ABCC1: variants seen among roughly 807,000 people sequenced by gnomAD.
ABCC1 encodes the protein ATP binding cassette subfamily C member 1 (ABCC1 blood group), also known as multidrug resistance-associated protein 1.
Under a neutral mutation model 172.9 loss-of-function variants are expected in ABCC1, and 83 were observed. The ratio of observed to expected loss-of-function variants is 0.48; its 90% CI spans 0.40 to 0.58. The LOEUF (loss-of-function observed/expected upper bound fraction) is 0.58. Among genes scored for constraint, ABCC1 ranks in the 20% least tolerant of loss-of-function variants. The pLI, the probability that ABCC1 is intolerant of heterozygous loss-of-function variation, is 0.00. For synonymous variants in ABCC1, 937 were observed against 825.2 expected, an observed-to-expected ratio of 1.14 and a Z score of -2.32; for missense variants, 1,817 against 2,002.7, an observed-to-expected ratio of 0.91 and a Z score of 1.77.
At chr16:16,127,249 TCTCA>T (rs781040682) in intron 26 of ABCC1, among the ~76,000 whole-genome samples, 95 of 152,190 alleles carry the variant, frequency 6.2e-4, no homozygotes, top group Non-Finnish European at 1.2e-3. Flanking sequence ...TGAGACACGG[TCTCA>T]CTCTTGCCCG....
chr16:16,105,847 A>G (rs1404367814), intron 20 of ABCC1, among the ~76,000 whole-genome samples: 1 of 150,212 alleles, frequency 6.7e-6, no homozygotes, highest in Non-Finnish European at 1.5e-5. Context: ...GGGTCTGCAT[A>G]AAGCTCATGA....
intron 12 of ABCC1, among the ~76,000 whole-genome samples, chr16:16,063,948 T>C (rs1401901687): frequency 6.6e-6 from 1 of 152,200 alleles, no homozygotes. Flanking sequence ...CTAGGTCATG[T>C]CTTTCAGGGC....
intron 14 of ABCC1, among the ~76,000 whole-genome samples, chr16:16,072,825 T>G (rs1040051020): frequency 6.6e-6 from 1 of 151,502 alleles, no homozygotes; most frequent in Non-Finnish European, 1.5e-5. Context: ...GTGGATCACT[T>G]GAGGTCAGGA....
chr16:16,053,749 T>C (rs973488793), intron 11 of ABCC1, among the ~76,000 whole-genome samples: 14 of 109,822 alleles, frequency 1.3e-4, no homozygotes, highest in Non-Finnish European at 3.4e-5. Flanking sequence ...ATTGTGCCAC[T>C]GCACAACAGA....
chr16:15,963,818 C>T lies in ABCC1; in HGVS notation c.48+14019C>T, dbSNP rs139049566. 2.8e-4 allele frequency among the ~76,000 whole-genome samples: 42 copies of T among 152,266 alleles called. 1 individual carries two copies. Among genetic ancestry groups the T allele is most frequent in the African/African-American group, 8.2e-4 (34 of 41,544 alleles). The stretch of plus-strand genomic sequence containing the variant: ...GCTGCTGTGAAGGTTTGTGATATGC[C>T]CTGGAGACATTTTCCCCATTGTCTT... On this transcript the variant is annotated intron_variant, in intron 1 of 30. Coordinates refer to ENST00000399410, the MANE Select transcript of ABCC1 (RefSeq NM_004996.4).
chr16:16,044,453 G>A lies in ABCC1; in HGVS notation c.813G>A (p.Gln271=), dbSNP rs748621744. 6.2e-6 allele frequency: 10 copies of A among 1,613,868 alleles called. No homozygotes were observed. The highest frequency in any genetic ancestry group is 5.9e-6 in the Non-Finnish European group (7 of 1,179,870). The change falls in exon 8 of 31, where the codon CAG becomes CAA. Residue 271 remains glutamine, a synonymous_variant. Coordinates refer to ENST00000399410, the MANE Select transcript of ABCC1 (RefSeq NM_004996.4). ...GCTTCACCTCCTTGTGTTCCAGGCAGCCGGTGAAGGTTGTGTACTCCTCCA... is the reference window on the plus strand; with the variant it reads ...GCTTCACCTCCTTGTGTTCCAGGCAACCGGTGAAGGTTGTGTACTCCTCCA... The part of the protein sequence containing the change: ...WKKECAKTRK[Q]PVKVVYSSKD...
At chr16:16,105,071 T>TC in intron 20 of ABCC1, among the ~76,000 whole-genome samples, 1 of 152,206 alleles carries the variant, frequency 6.6e-6, no homozygotes, top group South Asian at 2.1e-4. Flanking sequence ...AGAAAGGGGC[T>TC]CCCACAGTGC....
At chr16:16,140,769 G>C (rs2046098770) in intron 30 of ABCC1, among the ~76,000 whole-genome samples, 1 of 152,228 alleles carries the variant, frequency 6.6e-6, no homozygotes, top group Middle Eastern at 3.2e-3. Flanking sequence ...ATACAGCAGA[G>C]ATGCGTAGTT....
intron 11 of ABCC1, among the ~76,000 whole-genome samples, chr16:16,053,774 CAAAAAAAAAAAAAAAAAAAAAAAAA>C (rs10526186): frequency 1.4e-4 from 5 of 36,218 alleles, no homozygotes; most frequent in South Asian, 1.1e-3. Context: ...GACCCTGTCT[CAAAAAAAAAAAAAAAAAAAAAAAAA>C]AAAAAAAAAA....
At position 16,075,291 on chromosome 16, in the gene ABCC1, G is replaced by A. The variant is rs560480592; in HGVS notation, c.1913-1035G>A. 5.3e-5 allele frequency among the ~76,000 whole-genome samples: 8 copies of A among 152,062 alleles called. No homozygotes were observed. In the East Asian group the frequency reaches 1.5e-3, roughly 29 times the overall value. ...ACATGAAGTAAAAGGAAAATAACAG[G>A]AAGAAGAGTAAAAGAAGACAGAGGT... On this transcript the variant is annotated intron_variant, in intron 14 of 30. Transcript: ENST00000399410.
chr16:16,016,594 C>T lies in ABCC1; in HGVS notation c.588C>T (p.Pro196=), dbSNP rs946734470. The T allele has an allele frequency of 7.4e-6, 12 of 1,614,066 alleles. No homozygotes were observed. The highest frequency in any genetic ancestry group is 5.3e-5 in the African/African-American group (4 of 74,924). ...LVLSCFSDRS[P]LFSETIHDPN... ...TGTCCTGTTTCTCAGATCGCTCACCCCTGTTCTCGGAAACCATCCACGACC... is the reference window on the plus strand; with the variant it reads ...TGTCCTGTTTCTCAGATCGCTCACCTCTGTTCTCGGAAACCATCCACGACC... The change falls in exon 5 of 31, where the codon CCC becomes CCT. Residue 196 remains proline, a synonymous_variant. Transcript: ENST00000399410.
intron 26 of ABCC1, 55 bp downstream of exon 26, chr16:16,125,966 G>T: frequency 7.4e-7 from 1 of 1,346,048 alleles, no homozygotes; most frequent in Non-Finnish European, 1.1e-6. Flanking sequence ...TTTACCCCAA[G>T]GAGATCTCTG....
chr16:16,136,757 AC>A, intron 29 of ABCC1, 113 bp downstream of exon 29: 1 of 1,267,066 alleles, frequency 7.9e-7, no homozygotes, highest in Non-Finnish European at 1.1e-6. Context: ...GTCCCAGATG[AC>A]CATTTGTCCC....
chr16:15,967,254 G>A (rs1220381253), intron 1 of ABCC1, among the ~76,000 whole-genome samples: 1 of 152,074 alleles, frequency 6.6e-6, no homozygotes, highest in African/African-American at 2.4e-5. Context: ...TGGGTGAAGA[G>A]GCCAAGTTCA....
At chr16:16,063,694 T>C (rs1238555048) in intron 12 of ABCC1, among the ~76,000 whole-genome samples, 2 of 152,140 alleles carry the variant, frequency 1.3e-5, no homozygotes, top group African/African-American at 2.4e-5. Flanking sequence ...CCCAAGATAA[T>C]GTTGGGAATA....
intron 13 of ABCC1, among the ~76,000 whole-genome samples, chr16:16,068,597 G>A (rs907682072): frequency 6.6e-6 from 1 of 152,232 alleles, no homozygotes; most frequent in Non-Finnish European, 1.5e-5. Context: ...CTGTTCCTCC[G>A]CCATTCCTAT....
chr16:16,007,217 T>G (rs2047576464), intron 1 of ABCC1, among the ~76,000 whole-genome samples: 1 of 146,296 alleles, frequency 6.8e-6, no homozygotes, highest in South Asian at 2.2e-4. Context: ...TGCACTGTTG[T>G]GTGTGTGTGT....
In ABCC1 at chr16:16,012,697, T is replaced by G. The variant is rs545029128; in HGVS notation, c.352-1794T>G. 2.5e-3 allele frequency among the ~76,000 whole-genome samples: 344 copies of G among 138,188 alleles called. 3 individuals are homozygous for G. Among genetic ancestry groups the G allele is most frequent in the African/African-American group, 9.4e-3 (306 of 32,604 alleles). The allele number at this position is 138,188 out of a possible 152,430, so 90.7% of individuals were successfully genotyped here. A position where few individuals can be genotyped will look rare whatever the true frequency, so the allele number is the denominator to read the frequency against. On this transcript the variant is annotated intron_variant, in intron 3 of 30. Coordinates refer to ENST00000399410, the MANE Select transcript of ABCC1 (RefSeq NM_004996.4). ...ATTCCTTGTTCCTGGTCTTTTTTTTTTTTCCTTTGAGGCAGAGTTTCGCTC... is the reference window on the plus strand; with the variant it reads ...ATTCCTTGTTCCTGGTCTTTTTTTTGTTTCCTTTGAGGCAGAGTTTCGCTC...
intron 20 of ABCC1, chr16:16,105,601 A>G (rs1327805264): frequency 6.6e-6 from 1 of 152,184 alleles, no homozygotes; most frequent in East Asian, 1.9e-4. Context: ...GACCTCAGTT[A>G]GCTTATAATC....
Sources: allele counts gnomAD v4.1 joint callset (sites outside exome capture counted in the v4.1 genomes callset), GRCh38; gene constraint gnomAD v4.1.1; transcripts MANE v1.5; gene names NCBI Gene and HGNC (gene_info 2026-07-23, HGNC 2026-07-21).